The following EPHA6 variants were observed in gnomAD, a reference collection of about 807,000 sequenced individuals.
The protein encoded by EPHA6 is ephrin type-A receptor 6.
A neutral mutation model predicts 112.0 loss-of-function variants in EPHA6; 50 were observed. The ratio of observed to expected loss-of-function variants is 0.45; its 90% confidence interval spans 0.36 to 0.56. The LOEUF is 0.56. Ranked by LOEUF, EPHA6 falls within the 20% of genes least tolerant of loss-of-function variation. The pLI, the probability that EPHA6 is intolerant of heterozygous loss-of-function variation, is 0.00. For missense variants in EPHA6, 1,280 were observed against 1,417.4 expected (o/e 0.90, Z 1.56); for synonymous variants, 529 against 490.7 (o/e 1.08, Z -1.03).
chr3:97,553,964 T>C (rs565372186), intron 11 of EPHA6, among the ~76,000 whole-genome samples: 6 of 152,326 alleles, frequency 3.9e-5, no homozygotes, highest in Admixed American at 6.5e-5. Context: ...AACAATAATA[T>C]AAACTATCAG....
chr3:96,987,298 A>G, intron 2 of EPHA6, 32 bp from the exon 3 acceptor site: 1 of 1,545,472 alleles, frequency 6.5e-7, no homozygotes, highest in Non-Finnish European at 8.8e-7. Context: ...TGTGGTTTAA[A>G]ATCACTTAAT....
chr3:97,181,365 G>T (rs1376757811), intron 3 of EPHA6, among the ~76,000 whole-genome samples: 2 of 152,036 alleles, frequency 1.3e-5, no homozygotes, highest in African/African-American at 4.8e-5. Flanking sequence ...TTATGAAGGT[G>T]TTTTTTCTCT....
intron 1 of EPHA6, among the ~76,000 whole-genome samples, chr3:96,819,393 T>C (rs2033067305): frequency 6.6e-6 from 1 of 152,096 alleles, no homozygotes; most frequent in Non-Finnish European, 1.5e-5. Context: ...GATATAAATT[T>C]CCCTCTACCA....
At chr3:97,006,428 T>C (rs2043881799) in intron 3 of EPHA6, among the ~76,000 whole-genome samples, 1 of 152,208 alleles carries the variant, frequency 6.6e-6, no homozygotes, top group Admixed American at 6.5e-5. Flanking sequence ...TGGTGGTTTG[T>C]ATTTCTGTGG....
chr3:97,160,249 G>A (rs931151390), intron 3 of EPHA6, among the ~76,000 whole-genome samples: 1 of 151,940 alleles, frequency 6.6e-6, no homozygotes, highest in Admixed American at 6.6e-5. Flanking sequence ...TCATTCTTTG[G>A]TGTGCATTCA....
intron 6 of EPHA6, among the ~76,000 whole-genome samples, chr3:97,439,043 T>A (rs140804149): frequency 6.6e-6 from 1 of 152,320 alleles, no homozygotes; most frequent in East Asian, 1.9e-4. Flanking sequence ...CAATTACGAA[T>A]GTTTAATTCC....
intron 5 of EPHA6, among the ~76,000 whole-genome samples, chr3:97,272,755 C>T (rs1198699885): frequency 6.6e-6 from 1 of 152,040 alleles, no homozygotes; most frequent in Non-Finnish European, 1.5e-5. Flanking sequence ...GCCATTTTCA[C>T]TTCTTTTGTG....
chr3:97,417,022 T>A (rs2088184620), intron 6 of EPHA6, among the ~76,000 whole-genome samples: 1 of 152,164 alleles, frequency 6.6e-6, no homozygotes, highest in South Asian at 2.1e-4. Context: ...GTTTTATTTC[T>A]CAAAATATTA....
intron 9 of EPHA6, among the ~76,000 whole-genome samples, chr3:97,479,629 A>G (rs996157915): frequency 6.6e-6 from 1 of 152,206 alleles, no homozygotes; most frequent in Non-Finnish European, 1.5e-5. Flanking sequence ...GACTGATTTT[A>G]TCAAGTTATT....
intron 15 of EPHA6, among the ~76,000 whole-genome samples, chr3:97,731,342 G>A (rs1318980717): frequency 6.6e-6 from 1 of 152,048 alleles, no homozygotes; most frequent in Non-Finnish European, 1.5e-5. Flanking sequence ...CCTTTATGAA[G>A]TGATATATCC....
At chr3:97,380,412 C>A (rs115673791) in intron 5 of EPHA6, among the ~76,000 whole-genome samples, 3 of 152,036 alleles carry the variant, frequency 2.0e-5, no homozygotes, top group Non-Finnish European at 4.4e-5. Flanking sequence ...CATATATGTA[C>A]CTATGTGTAC....
intron 10 of EPHA6, among the ~76,000 whole-genome samples, chr3:97,484,382 A>G (rs2091646198): frequency 6.6e-6 from 1 of 152,212 alleles, no homozygotes. Flanking sequence ...ATAGACATAC[A>G]CTATAATTAT....
chr3:97,038,863 T>C (rs2108045494), intron 3 of EPHA6, among the ~76,000 whole-genome samples: 1 of 152,142 alleles, frequency 6.6e-6, no homozygotes, highest in Admixed American at 6.6e-5. Flanking sequence ...GATATGGAAG[T>C]CTGATTTCCT....
chr3:97,192,978 A>T (rs1360434596), intron 3 of EPHA6, among the ~76,000 whole-genome samples: 1 of 152,064 alleles, frequency 6.6e-6, no homozygotes, highest in Non-Finnish European at 1.5e-5. Context: ...TGGGTTCTCT[A>T]TTCTGTTCCA....
intron 14 of EPHA6, among the ~76,000 whole-genome samples, chr3:97,648,800 T>G (rs1471527021): frequency 1.3e-5 from 2 of 152,148 alleles, no homozygotes; most frequent in Non-Finnish European, 2.9e-5. Context: ...AAAATGTTAC[T>G]GATTTCTCGG....
At chr3:97,363,171 AATATATATAT>A (rs58214738) in intron 5 of EPHA6, among the ~76,000 whole-genome samples, 37 of 51,418 alleles carry the variant, frequency 7.2e-4, no homozygotes, top group South Asian at 1.0e-3. Flanking sequence ...TTGCCCCTGC[AATATATATAT>A]ATATATATAT....
At chr3:97,355,315 C>G (rs1333509110) in intron 5 of EPHA6, among the ~76,000 whole-genome samples, 1 of 152,000 alleles carries the variant, frequency 6.6e-6, no homozygotes, top group Non-Finnish European at 1.5e-5. Context: ...AATTTGAAGA[C>G]CTAGACAATA....
chr3:97,092,841 A>G (rs116734598), intron 3 of EPHA6, among the ~76,000 whole-genome samples: 2,041 of 144,736 alleles, frequency 0.014, 56 homozygotes, highest in African/African-American at 0.054. Flanking sequence ...AGTTAGAGTT[A>G]CACAATTGCA....
chr3:97,096,335 C>T (rs1027177209), intron 3 of EPHA6, among the ~76,000 whole-genome samples: 4 of 151,142 alleles, frequency 2.6e-5, no homozygotes, highest in South Asian at 2.1e-4. Flanking sequence ...AGTTGAGTGC[C>T]GAGCTTTTCA....
Sources: allele counts gnomAD v4.1 joint callset (sites outside exome capture counted in the v4.1 genomes callset), GRCh38; gene constraint gnomAD v4.1.1; transcripts MANE v1.5; gene names NCBI Gene and HGNC (gene_info 2026-07-23, HGNC 2026-07-21).